The following CDH18 variants were observed in gnomAD, a reference collection of about 807,000 sequenced individuals.
The protein encoded by CDH18 is cadherin 18.
In CDH18, 31 loss-of-function variants were observed where a neutral mutation model predicts 67.9. The ratio of observed to expected loss-of-function variants is 0.46; its 90% CI spans 0.34 to 0.62. The LOEUF is 0.62. Among genes scored for constraint, CDH18 ranks in the 20% least tolerant of loss-of-function variants. The pLI is 0.01. For synonymous variants in CDH18, 362 were observed against 347.2 expected, an observed-to-expected ratio of 1.04 and a Z score of -0.48; for missense variants, 890 against 975.5, an observed-to-expected ratio of 0.91 and a Z score of 1.17.
At chr5:19,882,000 G>A (rs1787713190) in intron 2 of CDH18, among the ~76,000 whole-genome samples, 1 of 151,892 alleles carries the variant, frequency 6.6e-6, no homozygotes, top group Admixed American at 6.6e-5. Context: ...AATGTATTTT[G>A]AAAATCTCGA....
intron 1 of CDH18, among the ~76,000 whole-genome samples, chr5:20,457,599 G>A (rs150986844): frequency 7.9e-5 from 12 of 152,242 alleles, no homozygotes; most frequent in African/African-American, 2.6e-4. Context: ...TGGGCTGGAT[G>A]TTAAATATTT....
intron 1 of CDH18, chr5:20,305,204 G>A: frequency 7.2e-7 from 1 of 1,397,580 alleles, no homozygotes; most frequent in South Asian, 1.2e-5. Flanking sequence ...CCTTCCAAAG[G>A]CTTCCCTCCA....
At chr5:20,505,070 A>T (rs1332419821) in intron 1 of CDH18, among the ~76,000 whole-genome samples, 1 of 149,640 alleles carries the variant, frequency 6.7e-6, no homozygotes, top group African/African-American at 2.5e-5. Context: ...CCTGGCCACA[A>T]AAGGGAACTT....
At chr5:20,256,328 T>G (rs1333578763) in intron 1 of CDH18, among the ~76,000 whole-genome samples, 1 of 152,092 alleles carries the variant, frequency 6.6e-6, no homozygotes, top group Non-Finnish European at 1.5e-5. Context: ...GCTTATTCTC[T>G]GACCTTCTTA....
intron 2 of CDH18, among the ~76,000 whole-genome samples, chr5:20,209,986 C>T (rs1740228684): frequency 6.6e-6 from 1 of 151,072 alleles, no homozygotes; most frequent in Non-Finnish European, 1.5e-5. Context: ...GTAATATTAA[C>T]TAAATAATAA....
intron 1 of CDH18, among the ~76,000 whole-genome samples, chr5:20,479,993 G>A (rs1752683450): frequency 6.6e-6 from 1 of 152,100 alleles, no homozygotes; most frequent in African/African-American, 2.4e-5. Flanking sequence ...TATATGTGGT[G>A]CTGAGATAAA....
intron 8 of CDH18, among the ~76,000 whole-genome samples, chr5:19,552,972 T>C (rs1191082720): frequency 6.6e-6 from 1 of 152,130 alleles, no homozygotes; most frequent in Non-Finnish European, 1.5e-5. Context: ...AAAAAGAAAA[T>C]GCATTATATT....
At chr5:19,966,113 A>G (rs1187292870) in intron 2 of CDH18, among the ~76,000 whole-genome samples, 2 of 152,172 alleles carry the variant, frequency 1.3e-5, no homozygotes, top group African/African-American at 4.8e-5. Context: ...ATAAAAAGAT[A>G]ATTTGTTTAA....
chr5:19,797,067 A>C (rs905743848), intron 3 of CDH18, among the ~76,000 whole-genome samples: 2 of 152,032 alleles, frequency 1.3e-5, no homozygotes, highest in Admixed American at 1.3e-4. Flanking sequence ...TTAAATATAA[A>C]TGATTTAAAT....
chr5:19,948,777 G>A (rs774960593), intron 2 of CDH18, among the ~76,000 whole-genome samples: 19 of 152,130 alleles, frequency 1.2e-4, no homozygotes, highest in Non-Finnish European at 2.8e-4. Context: ...AAAGAATGGA[G>A]AGTATATGGG....
intron 5 of CDH18, among the ~76,000 whole-genome samples, chr5:19,614,225 G>C (rs1749465821): frequency 6.6e-6 from 1 of 151,378 alleles, no homozygotes; most frequent in Admixed American, 6.6e-5. Context: ...TTTCTGAATT[G>C]ATTGGCTAAG....
intron 5 of CDH18, among the ~76,000 whole-genome samples, chr5:19,719,933 GA>G (rs974611933): frequency 1.5e-4 from 22 of 150,976 alleles, no homozygotes; most frequent in African/African-American, 5.4e-4. Context: ...AAGAAAGAAA[GA>G]AAGAAAGAAA....
At chr5:20,152,734 C>T (rs1275121179) in intron 2 of CDH18, among the ~76,000 whole-genome samples, 9 of 152,044 alleles carry the variant, frequency 5.9e-5, no homozygotes, top group African/African-American at 1.9e-4. Flanking sequence ...GAATTGACAT[C>T]ACCACGATGC....
chr5:19,936,198 T>C (rs1794239356), intron 2 of CDH18, among the ~76,000 whole-genome samples: 1 of 151,378 alleles, frequency 6.6e-6, no homozygotes. Context: ...TTCTGAGTCA[T>C]TTGTTGCCTT....
At chr5:20,186,758 T>A (rs1046101134) in intron 2 of CDH18, among the ~76,000 whole-genome samples, 1 of 151,564 alleles carries the variant, frequency 6.6e-6, no homozygotes, top group East Asian at 1.9e-4. Context: ...CTTAAAAAAA[T>A]GTAGAATTAT....
intron 2 of CDH18, among the ~76,000 whole-genome samples, chr5:20,097,132 G>T (rs575003878): frequency 6.6e-6 from 1 of 152,136 alleles, no homozygotes; most frequent in Admixed American, 6.5e-5. Context: ...TATTTCTCCT[G>T]AATTTTCATG....
chr5:20,049,508 A>G (rs1741223486), intron 2 of CDH18, among the ~76,000 whole-genome samples: 1 of 151,784 alleles, frequency 6.6e-6, no homozygotes, highest in Non-Finnish European at 1.5e-5. Context: ...ATTAAAACGT[A>G]CATAAAATGT....
At position 19,688,276 on chromosome 5, in the gene CDH18, C is replaced by A. The variant is rs921464453; in HGVS notation, c.643+33071G>T. Among the ~76,000 whole-genome samples, 5 of 152,152 alleles carry A rather than the reference C, an allele frequency of 3.3e-5. No individual in the cohort carries two copies. The South Asian group carries it at 1.0e-3, about 32-fold the overall frequency. On this transcript the variant is annotated intron_variant, in intron 5 of 12. Transcript: ENST00000382275. ...ACTGGCTAATGCTACTGACTACATACACTGCCTGGGAGCCTAGTGACAGTC... is the reference window on the plus strand; with the variant it reads ...ACTGGCTAATGCTACTGACTACATAAACTGCCTGGGAGCCTAGTGACAGTC...
intron 2 of CDH18, among the ~76,000 whole-genome samples, chr5:19,898,189 A>C (rs4286675): frequency 0.9 from 136,663 of 151,906 alleles, 61,564 homozygotes; most frequent in Non-Finnish European, 0.92. Context: ...TTATTTATTT[A>C]TCAATAGTAT....
Sources: gnomAD v4.1 joint callset for allele counts (sites outside exome capture counted in the v4.1 genomes callset) on GRCh38, gnomAD v4.1.1 for gene constraint, MANE v1.5 for transcripts, NCBI Gene and HGNC (gene_info 2026-07-23, HGNC 2026-07-21) for gene names.